The following MSI2 variants were observed in gnomAD, a reference collection of about 807,000 sequenced individuals.
The protein encoded by MSI2 is RNA-binding protein Musashi homolog 2.
Under a neutral mutation model 45.6 loss-of-function variants are expected in MSI2, and 17 were observed. The observed-to-expected ratio is 0.37, with a 90% CI of 0.26 to 0.56. MSI2 has a LOEUF of 0.56. Ranked by LOEUF, MSI2 falls within the 20% of genes least tolerant of loss-of-function variation. The pLI is 0.77. For missense variants in MSI2, 293 were observed against 444.2 expected, an observed-to-expected ratio of 0.66 and a Z score of 3.06; for synonymous variants, 156 against 158.2, an observed-to-expected ratio of 0.99 and a Z score of 0.11.
At chr17:57,264,429 G>C (rs1199853259) in intron 5 of MSI2, 1 of 152,072 alleles carries the variant, frequency 6.6e-6, no homozygotes, top group Non-Finnish European at 1.5e-5. Context: ...GCCCAGGCTG[G>C]TCTTAAACTC....
At chr17:57,365,945 C>T (rs559522538) in intron 5 of MSI2, among the ~76,000 whole-genome samples, 1 of 152,128 alleles carries the variant, frequency 6.6e-6, no homozygotes, top group Non-Finnish European at 1.5e-5. Flanking sequence ...CAGAGTCTCG[C>T]TCTGTCACCC....
the MSI2 span, among the ~76,000 whole-genome samples, chr17:57,691,144 T>G: frequency 6.6e-6 from 1 of 152,116 alleles, no homozygotes; most frequent in Non-Finnish European, 1.5e-5. Flanking sequence ...GAATTCTCTA[T>G]TCTGTTCTGT....
chr17:57,442,193 C>T (rs1216663510), intron 6 of MSI2, among the ~76,000 whole-genome samples: 4 of 152,244 alleles, frequency 2.6e-5, no homozygotes, highest in African/African-American at 7.2e-5. Context: ...CGTGCCACCA[C>T]GCCCGGCTAA....
At chr17:57,446,132 CAGAGGGACTGGG>C (rs1598279203) in intron 6 of MSI2, among the ~76,000 whole-genome samples, 1 of 152,046 alleles carries the variant, frequency 6.6e-6, no homozygotes, top group East Asian at 1.9e-4. Flanking sequence ...TGTTAGGCTG[CAGAGGGACTGGG>C]GAGTGGGGTG....
intron 5 of MSI2, among the ~76,000 whole-genome samples, chr17:57,355,368 C>T (rs186750370): frequency 5.9e-5 from 9 of 152,316 alleles, no homozygotes; most frequent in African/African-American, 2.2e-4. Flanking sequence ...CAGGTCCAGC[C>T]CTTGGACCAG....
intron 11 of MSI2, among the ~76,000 whole-genome samples, chr17:57,657,121 C>A (rs1337873105): frequency 6.6e-6 from 1 of 152,150 alleles, no homozygotes; most frequent in Non-Finnish European, 1.5e-5. Flanking sequence ...TCCATAAAGT[C>A]CCCTGAGAGA....
intron 11 of MSI2, among the ~76,000 whole-genome samples, chr17:57,653,436 C>T (rs1203536557): frequency 6.6e-6 from 1 of 152,172 alleles, no homozygotes; most frequent in Admixed American, 6.5e-5. Flanking sequence ...TCACCACAGC[C>T]AGTGTCCAAA....
intron 6 of MSI2, among the ~76,000 whole-genome samples, chr17:57,475,315 T>C (rs1469348660): frequency 1.3e-5 from 2 of 152,172 alleles, no homozygotes; most frequent in African/African-American, 4.8e-5. Context: ...TTTTGGTTTT[T>C]GGATGGACAG....
At chr17:57,306,794 G>A (rs1043496024) in intron 5 of MSI2, among the ~76,000 whole-genome samples, 7 of 152,154 alleles carry the variant, frequency 4.6e-5, no homozygotes, top group African/African-American at 1.7e-4. Flanking sequence ...CGCCCAGGCT[G>A]GAGTGCAATG....
chr17:57,496,321 T>C (rs2085978780), intron 6 of MSI2, among the ~76,000 whole-genome samples: 1 of 152,134 alleles, frequency 6.6e-6, no homozygotes, highest in African/African-American at 2.4e-5. Context: ...TGTGGTACTT[T>C]CAGTTTTCTT....
chr17:57,397,178 A>T (rs914102059), intron 5 of MSI2, among the ~76,000 whole-genome samples: 3 of 152,162 alleles, frequency 2.0e-5, no homozygotes, highest in African/African-American at 7.2e-5. Flanking sequence ...GCTGCAGGTT[A>T]GGAAACAGTT....
intron 6 of MSI2, among the ~76,000 whole-genome samples, chr17:57,454,474 G>C (rs998179956): frequency 3.3e-5 from 4 of 122,208 alleles, no homozygotes; most frequent in African/African-American, 9.7e-5. Context: ...TTCTCGCTCT[G>C]TCTCCAAGCT....
chr17:57,458,395 C>T lies in MSI2; in HGVS notation c.405+56924C>T, dbSNP rs183230133. The stretch of plus-strand genomic sequence containing the variant: ...GATTATAGGCGTGAGCCACCGTGCC[C>T]GGCCACATATTTTTAATATATGTGT... On this transcript the variant is annotated intron_variant, in intron 6 of 13. Transcript: ENST00000284073. Among the ~76,000 whole-genome samples the T allele has an allele frequency of 1.5e-3, 224 of 152,268 alleles. 2 individuals are homozygous for T. Among genetic ancestry groups the T allele is most frequent in the Admixed American group, 0.013 (201 of 15,290 alleles).
chr17:57,333,318 C>T (rs900525822), intron 5 of MSI2, among the ~76,000 whole-genome samples: 2 of 152,132 alleles, frequency 1.3e-5, no homozygotes, highest in Non-Finnish European at 2.9e-5. Flanking sequence ...TTATTTTTCC[C>T]CCCTGGAAAG....
the MSI2 span, among the ~76,000 whole-genome samples, chr17:57,694,193 G>T: frequency 6.6e-6 from 1 of 152,178 alleles, no homozygotes; most frequent in Non-Finnish European, 1.5e-5. Flanking sequence ...CCCTTGATGT[G>T]GGTGGTTGAG....
chr17:57,423,509 C>A (rs1249594067), intron 6 of MSI2, among the ~76,000 whole-genome samples: 1 of 152,180 alleles, frequency 6.6e-6, no homozygotes, highest in Non-Finnish European at 1.5e-5. Flanking sequence ...TTGGCCAGCG[C>A]CTGCTCATGC....
At chr17:57,521,281 G>T (rs1196038436) in intron 6 of MSI2, among the ~76,000 whole-genome samples, 1 of 152,130 alleles carries the variant, frequency 6.6e-6, no homozygotes, top group Non-Finnish European at 1.5e-5. Flanking sequence ...TGAACCCCAG[G>T]CCCAGCCCCT....
intron 7 of MSI2, among the ~76,000 whole-genome samples, chr17:57,543,118 C>T (rs1237642711): frequency 2.6e-5 from 4 of 152,178 alleles, no homozygotes; most frequent in South Asian, 2.1e-4. Context: ...TCTAACAAAA[C>T]GGAGGTGCAG....
At chr17:57,614,291 A>C (rs1468213877) in intron 8 of MSI2, among the ~76,000 whole-genome samples, 1 of 152,156 alleles carries the variant, frequency 6.6e-6, no homozygotes, top group Non-Finnish European at 1.5e-5. Context: ...GGACTCAAGC[A>C]GTCTGCCTGC....
Sources: gnomAD v4.1 joint callset for allele counts (sites outside exome capture counted in the v4.1 genomes callset) on GRCh38, gnomAD v4.1.1 for gene constraint, MANE v1.5 for transcripts, NCBI Gene and HGNC (gene_info 2026-07-23, HGNC 2026-07-21) for gene names.